The following EFR3A variants were observed in gnomAD, a reference collection of about 807,000 sequenced individuals.
EFR3A encodes the protein protein EFR3 homolog A.
EFR3A carries 76 observed loss-of-function variants against 104.4 expected under a neutral mutation model. The observed-to-expected ratio is 0.73, with a 90% confidence interval of 0.60 to 0.88. The LOEUF (loss-of-function observed/expected upper bound fraction) is 0.88. EFR3A is among the 40% of genes least tolerant of loss of function. EFR3A has a pLI of 0.00. For missense variants in EFR3A, 985 were observed against 1,012.5 expected (o/e 0.97, Z 0.37); for synonymous variants, 330 against 330.0 (o/e 1.00, Z 0.00).
chr8:131,950,181 A>C, intron 5 of EFR3A, 91 bp downstream of exon 5: 1 of 1,305,744 alleles, frequency 7.7e-7, no homozygotes, highest in Non-Finnish European at 1.0e-6. Flanking sequence ...AGAGGAAACA[A>C]TAATATGCCT....
chr8:131,980,229 T>G (rs997741851), intron 14 of EFR3A, among the ~76,000 whole-genome samples: 1 of 152,088 alleles, frequency 6.6e-6, no homozygotes, highest in Non-Finnish European at 1.5e-5. Context: ...TACTAGACCA[T>G]GCTTTCTCCC....
chr8:131,998,169 C>T (rs1374425274), intron 19 of EFR3A, among the ~76,000 whole-genome samples: 1 of 151,862 alleles, frequency 6.6e-6, no homozygotes, highest in African/African-American at 2.4e-5. Context: ...TGTTCAAATA[C>T]CAGAAGACAG....
intron 2 of EFR3A, among the ~76,000 whole-genome samples, chr8:131,941,826 G>C (rs1402203265): frequency 6.6e-6 from 1 of 151,972 alleles, no homozygotes; most frequent in Non-Finnish European, 1.5e-5. Context: ...GCAAGTGAGG[G>C]GAAAGAGAAA....
intron 10 of EFR3A, among the ~76,000 whole-genome samples, chr8:131,973,803 A>G (rs990720711): frequency 2.6e-5 from 4 of 152,114 alleles, no homozygotes; most frequent in African/African-American, 7.2e-5. Context: ...ATTTCTGTTC[A>G]CTAGTTCAAA....
chr8:131,942,979 A>G (rs1411292001), intron 2 of EFR3A, among the ~76,000 whole-genome samples: 3 of 152,102 alleles, frequency 2.0e-5, no homozygotes, highest in African/African-American at 4.8e-5. Flanking sequence ...ATGGCCTGCA[A>G]AGGACATGGG....
intron 1 of EFR3A, among the ~76,000 whole-genome samples, chr8:131,914,195 T>C (rs981972562): frequency 1.3e-5 from 2 of 152,240 alleles, no homozygotes; most frequent in African/African-American, 4.8e-5. Flanking sequence ...TCTAAGTCCC[T>C]ATGGCTTCTC....
At chr8:131,973,749 A>G (rs1820191099) in intron 10 of EFR3A, among the ~76,000 whole-genome samples, 1 of 152,182 alleles carries the variant, frequency 6.6e-6, no homozygotes, top group Non-Finnish European at 1.5e-5. Context: ...CTTTTAAAAT[A>G]GTGAAGAACA....
At position 131,944,977 on chromosome 8, in the gene EFR3A, T is replaced by C. The variant is rs1818362123; in HGVS notation, c.215+105T>C. On this transcript the variant is annotated intron_variant, in intron 3 of 22. Coordinates refer to ENST00000254624, the MANE Select transcript of EFR3A (RefSeq NM_015137.6). The stretch of plus-strand genomic sequence containing the variant: ...GCCATTTAGTGAGACAAAGATAATA[T>C]ATAGAGGATAAAACATTGTAATATT... The C allele has an allele frequency of 3.2e-6, 4 of 1,230,798 alleles. No individual in the cohort carries two copies. The East Asian group carries it at 1.0e-4, about 32-fold the overall frequency. The allele number at this position is 1,230,798 out of a possible 1,614,324, so 76.2% of individuals were successfully genotyped here.
intron 18 of EFR3A, among the ~76,000 whole-genome samples, chr8:131,988,214 A>AT (rs1320896469): frequency 6.6e-6 from 1 of 151,938 alleles, no homozygotes; most frequent in Non-Finnish European, 1.5e-5. Context: ...GCTTGAAATA[A>AT]TTCTGTTTGA....
At chr8:131,950,604 T>C (rs1818649299) in intron 5 of EFR3A, among the ~76,000 whole-genome samples, 1 of 152,158 alleles carries the variant, frequency 6.6e-6, no homozygotes, top group Non-Finnish European at 1.5e-5. Context: ...TATCTTCTTA[T>C]CATGTATCTC....
rs753280686 is a variant in EFR3A, at chr8:131,978,897, T to G, written c.1377T>G (p.Ser459=). The change falls in exon 13 of 23, where the codon TCT becomes TCG. Residue 459 remains serine (S), a synonymous_variant. Coordinates refer to ENST00000254624, the MANE Select transcript of EFR3A (RefSeq NM_015137.6). ...AKTIVTALPG[S]FLDPLLSPSL... is the part of the protein sequence containing the mutation. ...CGATTGTTACTGCACTGCCAGGGTC[T>G]TTCCTGGATCCTTTGTTATCACCAT... 1 of 1,612,156 alleles carries G rather than the reference T, an allele frequency of 6.2e-7. No individual in the cohort carries two copies. Among genetic ancestry groups the G allele is most frequent in the Non-Finnish European group, 8.5e-7 (1 of 1,178,888 alleles).
intron 22 of EFR3A, among the ~76,000 whole-genome samples, chr8:132,003,513 C>G (rs548502293): frequency 3.3e-5 from 5 of 152,218 alleles, no homozygotes; most frequent in Non-Finnish European, 7.4e-5. Flanking sequence ...TTTTTAGCTT[C>G]TTTTTTAGAT....
chr8:131,970,028 A>C (rs1819961756), intron 9 of EFR3A, among the ~76,000 whole-genome samples: 4 of 152,220 alleles, frequency 2.6e-5, no homozygotes, highest in Admixed American at 2.0e-4. Context: ...TCTGTCTCAT[A>C]ATTGAGGCAT....
At chr8:131,988,355 T>C (rs1275130329) in intron 18 of EFR3A, among the ~76,000 whole-genome samples, 2 of 152,130 alleles carry the variant, frequency 1.3e-5, no homozygotes, top group Non-Finnish European at 2.9e-5. Flanking sequence ...ATTAGTTCTT[T>C]GGGGATACCT....
At chr8:131,970,925 C>A (rs764143036) in intron 10 of EFR3A, among the ~76,000 whole-genome samples, 15 of 152,026 alleles carry the variant, frequency 9.9e-5, no homozygotes, top group Non-Finnish European at 1.5e-4. Context: ...CCTCCCTTCT[C>A]TCTCTCTCTG....
chr8:131,992,531 A>G (rs933855620), intron 18 of EFR3A, among the ~76,000 whole-genome samples: 2 of 152,182 alleles, frequency 1.3e-5, no homozygotes, highest in East Asian at 3.9e-4. Context: ...CGGTAGTACA[A>G]GGGTGAAGGA....
In EFR3A at chr8:131,911,158, ACC is replaced by A. The variant is rs1375502957; in HGVS notation, c.10+6837_10+6838del. ...CTAAGATGGAAAAATGAAGTAAATC[ACC>A]ACAGTGGCAGTTCTCTGAGAAAAGC... On this transcript the variant is annotated intron_variant, in intron 1 of 22. Transcript: ENST00000254624. Among the ~76,000 whole-genome samples, 4 of 152,336 alleles carry A rather than the reference ACC, an allele frequency of 2.6e-5. No homozygotes were observed. The East Asian group carries it at 7.7e-4, about 29-fold the overall frequency.
In EFR3A at chr8:132,012,234, G is replaced by A. The variant is rs2130831455; in HGVS notation, c.*1339G>A. ...AGTTTAATTTTTGGCTTTTGTTTTTGTTTAAAAAATTGCAGTGAAGAATGG... is the reference window on the plus strand; with the variant it reads ...AGTTTAATTTTTGGCTTTTGTTTTTATTTAAAAAATTGCAGTGAAGAATGG... On this transcript the variant is annotated 3_prime_UTR_variant, in exon 23 of 23. Transcript: ENST00000254624. 6.6e-6 allele frequency: 1 copy of A among 152,158 alleles called. No homozygotes were observed. Among genetic ancestry groups the A allele is most frequent in the East Asian group, 1.9e-4 (1 of 5,174 alleles). The allele number at this position is 152,158 out of a possible 1,614,324, so 9.4% of individuals were successfully genotyped here.
rs781593674 is a variant in EFR3A, at chr8:131,959,639, T to C, written c.831T>C (p.Phe277=). 3.4e-5 allele frequency: 55 copies of C among 1,611,584 alleles called. No individual in the cohort carries two copies. The highest frequency in any genetic ancestry group is 1.5e-5 in the Non-Finnish European group (18 of 1,178,988). ...WDPNEFAVHC[F]KIIMYSIQAQ... is the part of the protein sequence containing the mutation. The stretch of plus-strand genomic sequence containing the variant: ...CCAATGAATTTGCAGTTCACTGCTT[T>C]AAAATTATAATGTATTCCATTCAGG... Residue 277 remains phenylalanine, a synonymous_variant, in exon 8 of 23, where the codon TTT becomes TTC. Coordinates refer to ENST00000254624, the MANE Select transcript of EFR3A (RefSeq NM_015137.6).
Sources: allele counts gnomAD v4.1 joint callset (sites outside exome capture counted in the v4.1 genomes callset), GRCh38; gene constraint gnomAD v4.1.1; transcripts MANE v1.5; gene names NCBI Gene and HGNC (gene_info 2026-07-23, HGNC 2026-07-21).